TRPV3: variants seen among roughly 807,000 people sequenced by gnomAD.
The protein encoded by TRPV3 is transient receptor potential cation channel subfamily V member 3.
TRPV3 carries 88 observed loss-of-function variants against 87.1 expected under a neutral mutation model. That is an observed-to-expected ratio of 1.01 (90% CI 0.85 to 1.21). The LOEUF (loss-of-function observed/expected upper bound fraction) is 1.21, where lower values mean the gene tolerates loss of function less well. TRPV3 is among the 50% of genes most tolerant of loss of function. TRPV3 has a pLI of 0.00. For synonymous variants in TRPV3, 438 were observed against 423.3 expected (o/e 1.03, Z -0.43); for missense variants, 1,054 against 1,030.1 (o/e 1.02, Z -0.32).
rs892047898 is a variant in TRPV3, at chr17:3,528,412, C to T, written c.1402-286G>A. ...TTTCCGGAACCCATCCATATCCAGGCACTCAACATGGCCTCACAGCACCGT... is the reference window on the plus strand; with the variant it reads ...TTTCCGGAACCCATCCATATCCAGGTACTCAACATGGCCTCACAGCACCGT... On this transcript the variant is annotated intron_variant, in intron 10 of 17. Coordinates refer to ENST00000576742, the MANE Select transcript of TRPV3 (RefSeq NM_145068.4). This position sits in a 1 kb window ranked among gnomAD's most constrained non-coding sequence, Gnocchi z 4.2. 1.3e-5 allele frequency among the ~76,000 whole-genome samples: 2 copies of T among 152,192 alleles called. No individual in the cohort carries two copies. Among genetic ancestry groups the T allele is most frequent in the Non-Finnish European group, 2.9e-5 (2 of 68,024 alleles).
intron 6 of TRPV3, among the ~76,000 whole-genome samples, chr17:3,536,303 G>C (rs1159064103): frequency 6.6e-6 from 1 of 152,212 alleles, no homozygotes. Context: ...AGAAGCAGCC[G>C]AGACCAGTGA....
In TRPV3 at chr17:3,514,626, G is replaced by A. The variant is rs1351736897; in HGVS notation, c.2245C>T (p.Leu749Phe). ...WTEWKTHVSF[L>F]NEDPGPVRRT... Reference sequence around the variant, plus strand: ...CTTACAGGCCCCGGGTCTTCGTTAAGGAAGGAGACGTGCGTCTTCCATTCA... The same window carrying A: ...CTTACAGGCCCCGGGTCTTCGTTAAAGAAGGAGACGTGCGTCTTCCATTCA... The change falls in exon 17 of 18, where the codon CTT becomes TTT. Residue 749 changes from leucine to phenylalanine, a missense_variant. By Grantham distance (22) the Leu-to-Phe change is conservative. Transcript: ENST00000576742. The A allele has an allele frequency of 1.2e-6, 2 of 1,614,092 alleles. No homozygotes were observed. Among genetic ancestry groups the A allele is most frequent in the Non-Finnish European group, 8.5e-7 (1 of 1,179,954 alleles).
chr17:3,517,984 A>T (rs1240358040), intron 15 of TRPV3, among the ~76,000 whole-genome samples: 1 of 151,738 alleles, frequency 6.6e-6, no homozygotes, highest in Non-Finnish European at 1.5e-5. Flanking sequence ...ACACCTGGCT[A>T]GCTTTTGTAT....
Position 3,514,611 on chromosome 17 carries a change from C to T in TRPV3, c.2260G>A (p.Gly754Arg). Residue 754 changes from glycine (G) to arginine (R), a missense_variant, in exon 17 of 18, where the codon GGG becomes AGG. Gly to Arg is a moderately radical substitution (Grantham distance 125). Transcript: ENST00000576742. ...ACAGTACCTGTTCGTCTTACAGGCC[C>T]CGGGTCTTCGTTAAGGAAGGAGACG... ...THVSFLNEDP[G>R]PVRRTDFNKI... The T allele has an allele frequency of 6.2e-7, 1 of 1,613,942 alleles. No individual in the cohort carries two copies. The highest frequency in any genetic ancestry group is 8.5e-7 in the Non-Finnish European group (1 of 1,179,828).
chr17:3,510,752 C>T lies in TRPV3; in HGVS notation c.*3165G>A, dbSNP rs978697358. On this transcript the variant is annotated 3_prime_UTR_variant, in exon 18 of 18. Coordinates refer to ENST00000576742, the MANE Select transcript of TRPV3 (RefSeq NM_145068.4). ...AAATCAATGCAGAAATCAAGTACGG[C>T]TTACAGGCCCGGATGACGGCCCATC... 6 of 152,216 alleles carry T rather than the reference C, an allele frequency of 3.9e-5. No homozygotes were observed. The highest frequency in any genetic ancestry group is 8.8e-5 in the Non-Finnish European group (6 of 68,048). The allele number at this position is 152,216 out of a possible 1,614,324, so 9.4% of individuals were successfully genotyped here. A position where few individuals can be genotyped will look rare whatever the true frequency, so the allele number is the denominator to read the frequency against.
intron 12 of TRPV3, 113 bp downstream of exon 12, chr17:3,526,741 A>T: frequency 1.2e-6 from 1 of 821,088 alleles, no homozygotes; most frequent in Non-Finnish European, 2.0e-6. Context: ...TGGCAGAGTG[A>T]CTGGGACACC....
Position 3,528,992 on chromosome 17 carries a change from G to C in TRPV3, c.1246C>G (p.Arg416Gly). 6.2e-7 allele frequency: 1 copy of C among 1,614,140 alleles called. No individual in the cohort carries two copies. The highest frequency in any genetic ancestry group is 8.5e-7 in the Non-Finnish European group (1 of 1,180,014). The change falls in exon 10 of 18, where the codon CGG becomes GGG. Residue 416 changes from arginine to glycine, a missense_variant. Coordinates refer to ENST00000576742, the MANE Select transcript of TRPV3 (RefSeq NM_145068.4). The surrounding 1 kb of genome is among the most constrained non-coding windows in gnomAD (Gnocchi z 4.2). ...GGCTCCAGGGTCAGCATCTCATGCC[G>C]GTTCTAGGGGTAGAATGCCACCAGT... ...ITVYNTNIDN[R>G]HEMLTLEPLH... is the part of the protein sequence containing the mutation.
rs199905369 is a variant in TRPV3, at chr17:3,524,241, C to T, written c.1700G>A (p.Arg567Gln). Reference sequence around the variant, plus strand: ...GTACATGCCCATGGACTGGAAACCCCGCGTATAGTAGAGCATGTTCGCCCA... The same window carrying T: ...GTACATGCCCATGGACTGGAAACCCTGCGTATAGTAGAGCATGTTCGCCCA... ...LGWANMLYYT[R>Q]GFQSMGMYSV... is the part of the protein sequence containing the mutation. Residue 567 changes from arginine (R) to glutamine (Q), a missense_variant, in exon 13 of 18, where the codon CGG becomes CAG. Physicochemically the swap from Arg to Gln is conservative, Grantham distance 43. Coordinates refer to ENST00000576742, the MANE Select transcript of TRPV3 (RefSeq NM_145068.4). 8.9e-5 allele frequency: 144 copies of T among 1,614,104 alleles called. No homozygotes were observed. The Middle Eastern group carries it at 3.3e-3, about 37-fold the overall frequency.
At chr17:3,540,126 A>C (rs1264380246) in intron 6 of TRPV3, among the ~76,000 whole-genome samples, 1 of 152,082 alleles carries the variant, frequency 6.6e-6, no homozygotes, top group Non-Finnish European at 1.5e-5. Flanking sequence ...AGGTTATTTT[A>C]GATACAAAAA....
rs1365196423 is a variant in TRPV3 at position 3,528,099 on chromosome 17, G to C, written c.1429C>G (p.His477Asp). ...EAIPHPLALT[H>D]KMGWLQLLGR... ...AGGAGCTGCAGCCACCCCATCTTGTGCGTCAGGGCCAAGGGGTGCGGGATG... is the reference window on the plus strand; with the variant it reads ...AGGAGCTGCAGCCACCCCATCTTGTCCGTCAGGGCCAAGGGGTGCGGGATG... The change falls in exon 11 of 18, where the codon CAC becomes GAC. Residue 477 changes from histidine (H) to aspartate (D), a missense_variant. By Grantham distance (81) the His-to-Asp change is moderately conservative. Transcript: ENST00000576742. The surrounding 1 kb of genome is among the most constrained non-coding windows in gnomAD (Gnocchi z 4.2). 4 of 1,613,574 alleles carry C rather than the reference G, an allele frequency of 2.5e-6. No individual in the cohort carries two copies. The highest frequency in any genetic ancestry group is 3.4e-6 in the Non-Finnish European group (4 of 1,179,866).
rs573005920 is a variant in TRPV3, at chr17:3,517,139, C to T, written c.2086-570G>A. Among the ~76,000 whole-genome samples, 4 of 151,848 alleles carry T rather than the reference C, an allele frequency of 2.6e-5. No homozygotes were observed. In the South Asian group the frequency reaches 8.3e-4, roughly 32 times the overall value. ...CAGCCTGGGTGACAGAGCGAAACTCCATGATATAAATAATATTTCTGAAAG... is the reference window on the plus strand; with the variant it reads ...CAGCCTGGGTGACAGAGCGAAACTCTATGATATAAATAATATTTCTGAAAG... On this transcript the variant is annotated intron_variant, in intron 15 of 17. Transcript: ENST00000576742.
At chr17:3,524,981 A>G (rs1227292784) in intron 12 of TRPV3, among the ~76,000 whole-genome samples, 2 of 152,188 alleles carry the variant, frequency 1.3e-5, no homozygotes, top group Non-Finnish European at 2.9e-5. Context: ...TCATAGCAAA[A>G]GTCCCCCAAA....
intron 6 of TRPV3, among the ~76,000 whole-genome samples, chr17:3,539,359 G>T (rs113213025): frequency 7.2e-5 from 11 of 151,938 alleles, no homozygotes; most frequent in Admixed American, 2.6e-4. Context: ...TTCATGTGAC[G>T]TGGATGTTGT....
rs754852100 is a variant in TRPV3 at position 3,544,565 on chromosome 17, AG to A, written c.311+13del. ...GGGTGGGCACAGTGGGTGGAGGGGGAGGGGCAGACTTACCTGGGGCTGTTGG... is the reference window on the plus strand; with the variant it reads ...GGGTGGGCACAGTGGGTGGAGGGGGAGGGCAGACTTACCTGGGGCTGTTGG... On this transcript the variant is annotated intron_variant, in intron 4 of 17. Transcript: ENST00000576742. 5.2e-6 allele frequency: 8 copies of A among 1,545,376 alleles called. No individual in the cohort carries two copies. The South Asian group carries it at 6.9e-5, about 13-fold the overall frequency.
intron 7 of TRPV3, among the ~76,000 whole-genome samples, chr17:3,534,622 A>C (rs1198821640): frequency 6.6e-6 from 1 of 151,004 alleles, no homozygotes; most frequent in Non-Finnish European, 1.5e-5. Flanking sequence ...GACTTTCACT[A>C]TATCTAAATT....
At chr17:3,544,874 C>T (rs1219940674) in intron 3 of TRPV3, among the ~76,000 whole-genome samples, 2 of 152,016 alleles carry the variant, frequency 1.3e-5, no homozygotes, top group Non-Finnish European at 2.9e-5. Context: ...ACTAGCCAGG[C>T]GTGGTGGCAT....
Position 3,542,531 on chromosome 17 carries a change from C to T in TRPV3, c.634G>A (p.Ala212Thr). 2 of 1,613,574 alleles carry T rather than the reference C, an allele frequency of 1.2e-6. No homozygotes were observed. The stretch of plus-strand genomic sequence containing the variant: ...TCTGCAGGCAGGATACCTTCATAGG[C>T]CTCCTCTGTGTACTCGGCGTTGATG... ...RFINAEYTEEAYEGQTALNIA... is the reference protein window; with the variant it reads ...RFINAEYTEETYEGQTALNIA... Residue 212 changes from alanine to threonine, a missense_variant, in exon 6 of 18, where the codon GCC becomes ACC. Physicochemically the swap from Ala to Thr is moderately conservative, Grantham distance 58. Transcript: ENST00000576742.
chr17:3,540,907 G>C (rs957858589), intron 6 of TRPV3, among the ~76,000 whole-genome samples: 1 of 152,156 alleles, frequency 6.6e-6, no homozygotes, highest in Non-Finnish European at 1.5e-5. Flanking sequence ...GTCTTCCCTA[G>C]GTTTCCTCTC....
chr17:3,517,875 A>G (rs2074198609), intron 15 of TRPV3, among the ~76,000 whole-genome samples: 1 of 147,900 alleles, frequency 6.8e-6, no homozygotes, highest in Admixed American at 6.8e-5. Context: ...CTGCAGTGCC[A>G]TGACACAATC....
Sources: allele counts gnomAD v4.1 joint callset (sites outside exome capture counted in the v4.1 genomes callset), GRCh38; gene constraint gnomAD v4.1.1; non-coding constraint Gnocchi (gnomAD v3.1); transcripts MANE v1.5; gene names NCBI Gene and HGNC (gene_info 2026-07-23, HGNC 2026-07-21).